Variants in PLEKHA8 observed in about 807,000 individuals in gnomAD.
The protein encoded by PLEKHA8 is pleckstrin homology domain-containing family A member 8.
In PLEKHA8, 36 loss-of-function variants were observed where a neutral mutation model predicts 68.2. The ratio of observed to expected loss-of-function variants is 0.53; its 90% CI spans 0.40 to 0.70. PLEKHA8 has a LOEUF of 0.70. PLEKHA8 is among the 30% of genes least tolerant of loss of function. The pLI is 0.00. For missense variants in PLEKHA8, 505 were observed against 615.4 expected (o/e 0.82, Z 1.90); for synonymous variants, 211 against 216.1 (o/e 0.98, Z 0.20).
chr7:30,040,138 T>G (rs975962485), intron 1 of PLEKHA8, among the ~76,000 whole-genome samples: 1 of 152,226 alleles, frequency 6.6e-6, no homozygotes, highest in African/African-American at 2.4e-5. Flanking sequence ...ATGTGATAGT[T>G]TAGAGCTTTT....
chr7:30,096,497 C>T (rs1795624599), intron 13 of PLEKHA8, among the ~76,000 whole-genome samples: 1 of 152,144 alleles, frequency 6.6e-6, no homozygotes. Context: ...TCCTCTTTTC[C>T]TAATTGAATG....
At chr7:30,089,164 C>G (rs1187541588), downstream of PLEKHA8, among the ~76,000 whole-genome samples, 1 of 152,210 alleles carries the variant, frequency 6.6e-6, no homozygotes, top group Non-Finnish European at 1.5e-5. Flanking sequence ...CCTTCCTCCT[C>G]CATACAGACA....
chr7:30,074,172 G>T (rs1166966560), intron 13 of PLEKHA8, 40 bp downstream of exon 13: 4 of 1,552,046 alleles, frequency 2.6e-6, no homozygotes, highest in East Asian at 2.2e-5. Flanking sequence ...AACTGTATTG[G>T]GTATGCCAGT....
At chr7:30,061,046 C>G (rs971131323) in intron 10 of PLEKHA8, 104 bp downstream of exon 10, 73 of 1,090,414 alleles carry the variant, frequency 6.7e-5, no homozygotes, top group Admixed American at 1.8e-4. Flanking sequence ...AAATGTGTCA[C>G]TGTTCTTTTA....
In PLEKHA8 at chr7:30,078,898, G is replaced by T. The variant is rs1794779891; in HGVS notation, c.*111G>T. On this transcript the variant is annotated 3_prime_UTR_variant, in exon 14 of 14. Coordinates refer to ENST00000449726, the MANE Select transcript of PLEKHA8 (RefSeq NM_001197026.2). ...CCCTCTCCAACCCCTTCACCTGGGG[G>T]GATGGACAGGAGGTGGCAAAACCCA... is the stretch of plus-strand genomic sequence containing the variant. 5.5e-6 allele frequency: 8 copies of T among 1,453,840 alleles called. No individual in the cohort carries two copies. The highest frequency in any genetic ancestry group is 7.2e-6 in the Non-Finnish European group (8 of 1,104,874). 90.1% of individuals were successfully genotyped at this position (1,453,840 alleles called of 1,614,324 possible). A position where few individuals can be genotyped will look rare whatever the true frequency, so the allele number is the denominator to read the frequency against.
intron 12 of PLEKHA8, 43 bp from the exon 13 acceptor site, chr7:30,074,028 T>G (rs747864969): frequency 6.5e-7 from 1 of 1,534,872 alleles, no homozygotes; most frequent in Admixed American, 1.8e-5. Flanking sequence ...GCACATCAAA[T>G]TCTGATGAAA....
chr7:30,068,810 G>A (rs62446711), intron 12 of PLEKHA8, among the ~76,000 whole-genome samples: 27,358 of 152,070 alleles, frequency 0.18, 2,606 homozygotes, highest in African/African-American at 0.24. Context: ...TGAGGTCACA[G>A]AGATGTTCTC....
intron 12 of PLEKHA8, among the ~76,000 whole-genome samples, chr7:30,063,865 C>T (rs1313707113): frequency 6.6e-6 from 1 of 152,178 alleles, no homozygotes; most frequent in Non-Finnish European, 1.5e-5. Context: ...TTTGAAGGTC[C>T]ACATTTCTCC....
intron 9 of PLEKHA8, among the ~76,000 whole-genome samples, chr7:30,058,964 G>GA (rs1032736827): frequency 9.2e-5 from 14 of 152,186 alleles, no homozygotes; most frequent in Non-Finnish European, 2.1e-4. Flanking sequence ...CTGTCTCTAT[G>GA]AAAAAAATTA....
At chr7:30,035,941 C>T (rs971116961) in intron 1 of PLEKHA8, among the ~76,000 whole-genome samples, 3 of 151,942 alleles carry the variant, frequency 2.0e-5, no homozygotes, top group Non-Finnish European at 2.9e-5. Flanking sequence ...CCACCTCGCC[C>T]GGCCATATAT....
intron 4 of PLEKHA8, among the ~76,000 whole-genome samples, chr7:30,048,738 C>T (rs192934647): frequency 3.4e-4 from 52 of 151,864 alleles, no homozygotes; most frequent in Middle Eastern, 3.4e-3. Context: ...ACATGTGTTT[C>T]GAGTTTTTCT....
intron 9 of PLEKHA8, among the ~76,000 whole-genome samples, chr7:30,060,034 G>C (rs943191922): frequency 6.6e-6 from 1 of 152,110 alleles, no homozygotes; most frequent in African/African-American, 2.4e-5. Flanking sequence ...TTACCTGGGA[G>C]GCTGAGGCAG....
chr7:30,102,595 G>A (rs745944588), intron 13 of PLEKHA8, among the ~76,000 whole-genome samples: 2 of 152,252 alleles, frequency 1.3e-5, no homozygotes, highest in Non-Finnish European at 2.9e-5. Context: ...TTGGCCATAG[G>A]AAAGGAATCA....
rs1790370290 is a variant in PLEKHA8 at position 30,028,458 on chromosome 7, T to G, written c.-305T>G. On this transcript the variant is annotated 5_prime_UTR_variant, in exon 1 of 14. Coordinates refer to ENST00000449726, the MANE Select transcript of PLEKHA8 (RefSeq NM_001197026.2). The stretch of plus-strand genomic sequence containing the variant: ...CGACCGGCAGCTCGTTCGCCGCACT[T>G]TGGAGGCTTCGGCTGCCCCTCCGAC... The G allele has an allele frequency of 3.3e-6, 1 of 300,824 alleles. No individual in the cohort carries two copies. Among genetic ancestry groups the G allele is most frequent in the Non-Finnish European group, 6.1e-6 (1 of 163,266 alleles). 18.6% of individuals were successfully genotyped at this position (300,824 alleles called of 1,614,324 possible).
rs1427200200 is a variant in PLEKHA8 at position 30,082,489 on chromosome 7, T to G, written c.*3702T>G. 1 of 985,190 alleles carries G rather than the reference T, an allele frequency of 1.0e-6. No homozygotes were observed. Among genetic ancestry groups the G allele is most frequent in the African/African-American group, 1.7e-5 (1 of 57,190 alleles). The allele number at this position is 985,190 out of a possible 1,614,324, so 61.0% of individuals were successfully genotyped here. ...CTTAAGAAGGAGCCCATATTCCCATTTGTAGCTGGAAAGCGGGTGAATGAC... is the reference window on the plus strand; with the variant it reads ...CTTAAGAAGGAGCCCATATTCCCATGTGTAGCTGGAAAGCGGGTGAATGAC... On this transcript the variant is annotated 3_prime_UTR_variant, in exon 14 of 14. Coordinates refer to ENST00000449726, the MANE Select transcript of PLEKHA8 (RefSeq NM_001197026.2).
chr7:30,055,835 T>C (rs1425789617), intron 9 of PLEKHA8, among the ~76,000 whole-genome samples: 1 of 152,196 alleles, frequency 6.6e-6, no homozygotes, highest in Non-Finnish European at 1.5e-5. Context: ...TTTTGTATTT[T>C]TTGTGGATAT....
At chr7:30,062,619 A>T in intron 11 of PLEKHA8, 53 bp from the exon 12 acceptor site, 1 of 1,358,240 alleles carries the variant, frequency 7.4e-7, no homozygotes, top group Middle Eastern at 1.8e-4. Flanking sequence ...CTTTATACCC[A>T]CTCAACATAA....
Position 30,062,067 on chromosome 7 carries a change from C to CA in PLEKHA8, c.1229+48dup, listed in dbSNP as rs778070098. On this transcript the variant is annotated intron_variant, in intron 11 of 13. Transcript: ENST00000449726. The stretch of plus-strand genomic sequence containing the variant: ...GTGGGACAGCAGTTAAAATCTAGCT[C>CA]AAAAAAAATTACCAGCAAAAAAAAT... The CA allele has an allele frequency of 5.1e-6, 8 of 1,565,178 alleles. No individual in the cohort carries two copies. In the East Asian group the frequency reaches 6.8e-5, roughly 13 times the overall value.
chr7:30,100,913 G>T (rs908118803), intron 13 of PLEKHA8, among the ~76,000 whole-genome samples: 1 of 152,172 alleles, frequency 6.6e-6, no homozygotes, highest in Admixed American at 6.5e-5. Context: ...ATTGCAGCTG[G>T]GCATGGTGGC....
Sources: gnomAD v4.1 joint callset for allele counts (sites outside exome capture counted in the v4.1 genomes callset) on GRCh38, gnomAD v4.1.1 for gene constraint, MANE v1.5 for transcripts, NCBI Gene and HGNC (gene_info 2026-07-23, HGNC 2026-07-21) for gene names.